SEC16B: variants seen among roughly 807,000 people sequenced by gnomAD.
The protein encoded by SEC16B is protein transport protein Sec16B.
A neutral mutation model predicts 141.8 loss-of-function variants in SEC16B; 115 were observed. The ratio of observed to expected loss-of-function variants is 0.81; its 90% CI spans 0.70 to 0.95. The LOEUF is 0.95. SEC16B is among the 40% of genes least tolerant of loss of function. The pLI, the probability that SEC16B is intolerant of heterozygous loss-of-function variation, is 0.00. For missense variants in SEC16B, 1,291 were observed against 1,312.3 expected, an observed-to-expected ratio of 0.98 and a Z score of 0.25; for synonymous variants, 493 against 492.5, an observed-to-expected ratio of 1.00 and a Z score of -0.01.
chr1:177,932,537 C>T lies in SEC16B; in HGVS notation c.2965G>A (p.Gly989Arg), dbSNP rs781588591. 14 of 1,561,100 alleles carry T rather than the reference C, an allele frequency of 9.0e-6. No individual in the cohort carries two copies. The Admixed American group carries it at 1.7e-4, about 19-fold the overall frequency. Residue 989 changes from glycine to arginine, a missense_variant, in exon 24 of 26, where the codon GGG becomes AGG. Coordinates refer to ENST00000308284, the MANE Select transcript of SEC16B (RefSeq NM_033127.4). ...GGEGRGSASS[G>R]GAAAGAGVGG... is the part of the protein sequence containing the mutation. ...ACCCCAGCGCCCGCAGCTGCTCCCC[C>T]GCTGGATGCGGATCCTCGGCCTTCA...
intron 1 of SEC16B, among the ~76,000 whole-genome samples, chr1:177,982,134 T>A (rs1654442813): frequency 6.6e-6 from 1 of 152,028 alleles, no homozygotes; most frequent in African/African-American, 2.4e-5. Context: ...GACATCAAAT[T>A]ACATAAGAAC....
At chr1:177,948,149 G>GCATA (rs539355896) in intron 12 of SEC16B, among the ~76,000 whole-genome samples, 2 of 152,052 alleles carry the variant, frequency 1.3e-5, no homozygotes, top group South Asian at 2.1e-4. Flanking sequence ...ACGTGTACAT[G>GCATA]CATACATACA....
intron 15 of SEC16B, among the ~76,000 whole-genome samples, chr1:177,943,058 AC>A (rs1440418064): frequency 6.6e-6 from 1 of 152,202 alleles, no homozygotes. Context: ...AATCATGCCT[AC>A]CTCACAGGAT....
chr1:177,952,072 T>C (rs1216630436), intron 11 of SEC16B, 77 bp from the exon 12 acceptor site: 2 of 1,235,790 alleles, frequency 1.6e-6, no homozygotes, highest in Non-Finnish European at 2.3e-6. Flanking sequence ...CTCAGGGCCT[T>C]GCATAATTCT....
In SEC16B at chr1:177,960,874, C is replaced by T. The variant is rs185756583; in HGVS notation, c.853G>A (p.Gly285Arg). ...ACATGCACCAGCTGACCTCCTGGCCCGAAACTCACAGGAACATGAGGGATG... is the reference window on the plus strand; with the variant it reads ...ACATGCACCAGCTGACCTCCTGGCCTGAAACTCACAGGAACATGAGGGATG... ...FYIPHVPVSF[G>R]PGGQLVHVGP... The change falls in exon 7 of 26, where the codon GGG (glycine) becomes AGG (arginine). Residue 285 changes from glycine to arginine, a missense_variant. Coordinates refer to ENST00000308284, the MANE Select transcript of SEC16B (RefSeq NM_033127.4). The T allele has an allele frequency of 4.4e-4, 711 of 1,602,160 alleles. No individual in the cohort carries two copies. The highest frequency in any genetic ancestry group is 3.9e-4 in the Admixed American group (23 of 58,998).
Position 177,964,166 on chromosome 1 carries a change from G to T in SEC16B, c.642+5C>A, listed in dbSNP as rs1359265780. 1 of 1,607,996 alleles carries T rather than the reference G, an allele frequency of 6.2e-7. No individual in the cohort carries two copies. Among genetic ancestry groups the T allele is most frequent in the East Asian group, 2.2e-5 (1 of 44,706 alleles). ...GTCTCCAGCCCCCACGTCACTTTAG[G>T]TTACCTTATTTTTCTGGGCCTCAGC... On this transcript the variant is annotated splice_donor_5th_base_variant and intron_variant, in intron 5 of 25. Transcript: ENST00000308284.
At chr1:177,961,490 G>T in intron 6 of SEC16B, 100 bp downstream of exon 6, 3 of 1,315,428 alleles carry the variant, frequency 2.3e-6, no homozygotes, top group Non-Finnish European at 3.1e-6. Flanking sequence ...AGCAAATGAG[G>T]TGGACAATGA....
chr1:177,980,785 A>AAGAT (rs1654376618), intron 1 of SEC16B, among the ~76,000 whole-genome samples: 1 of 151,832 alleles, frequency 6.6e-6, no homozygotes, highest in South Asian at 2.1e-4. Flanking sequence ...GAAAGAAAGA[A>AAGAT]AAGAAAGAAA....
At chr1:177,929,954 ACT>A in intron 25 of SEC16B, 25 bp from the exon 26 acceptor site, 2 of 1,610,912 alleles carry the variant, frequency 1.2e-6, no homozygotes, top group African/African-American at 1.3e-5. Flanking sequence ...CAAATATTAC[ACT>A]GAGTACAGCC....
chr1:177,960,207 C>G, intron 8 of SEC16B, 135 bp downstream of exon 8: 1 of 667,812 alleles, frequency 1.5e-6, no homozygotes, highest in East Asian at 2.7e-5. Flanking sequence ...TCTTGCAGCA[C>G]AGAGAATTCC....
chr1:177,959,180 G>A (rs1175081258), intron 8 of SEC16B: 1 of 619,086 alleles, frequency 1.6e-6, no homozygotes, highest in Non-Finnish European at 2.9e-6. Flanking sequence ...ATTCTCTCAT[G>A]CACCCCCTTT....
intron 18 of SEC16B, among the ~76,000 whole-genome samples, chr1:177,938,593 C>T (rs1038936119): frequency 6.6e-5 from 10 of 152,218 alleles, no homozygotes; most frequent in African/African-American, 2.4e-4. Context: ...AATAAAGTCT[C>T]CTTTCCAAAT....
rs12083396 is a variant in SEC16B, at chr1:177,939,234, C to T, written c.2203+468G>A. Among the ~76,000 whole-genome samples the T allele has an allele frequency of 7.9e-3, 1,208 of 152,306 alleles. 30 individuals are homozygous for T. Among genetic ancestry groups the T allele is most frequent in the African/African-American group, 0.027 (1,139 of 41,570 alleles). On this transcript the variant is annotated intron_variant, in intron 18 of 25. Coordinates refer to ENST00000308284, the MANE Select transcript of SEC16B (RefSeq NM_033127.4). ...CTGCCAACACACCATTGGGAATCAT[C>T]CCAAGGGAAGAGTGGAGATGCCATG...
At chr1:177,931,539 T>G (rs568282588) in intron 24 of SEC16B, among the ~76,000 whole-genome samples, 1 of 152,244 alleles carries the variant, frequency 6.6e-6, no homozygotes, top group South Asian at 2.1e-4. Flanking sequence ...ACTATATAAT[T>G]CATCTATTAA....
At chr1:177,966,452 T>A (rs1176309302) in intron 2 of SEC16B, among the ~76,000 whole-genome samples, 2 of 152,226 alleles carry the variant, frequency 1.3e-5, no homozygotes, top group African/African-American at 4.8e-5. Context: ...CAAACTGGAC[T>A]ATGTTAAGTC....
At chr1:177,977,818 T>G (rs1375862086) in intron 1 of SEC16B, among the ~76,000 whole-genome samples, 1 of 152,188 alleles carries the variant, frequency 6.6e-6, no homozygotes, top group Admixed American at 6.5e-5. Flanking sequence ...ACTACACCAT[T>G]TGCTAGCCAT....
intron 16 of SEC16B, 113 bp from the exon 17 acceptor site, chr1:177,940,827 G>A: frequency 1.6e-6 from 1 of 625,742 alleles, no homozygotes; most frequent in Non-Finnish European, 2.7e-6. Flanking sequence ...AGGAGAAAGA[G>A]AGCCTTAACT....
At chr1:177,971,521 C>T (rs1042373413), upstream of SEC16B, 1 of 152,192 alleles carries the variant, frequency 6.6e-6, no homozygotes, top group African/African-American at 2.4e-5. Flanking sequence ...GTGATGATTA[C>T]ACTGACGTGA....
rs768695137 is a variant in SEC16B at position 177,937,524 on chromosome 1, G to A, written c.2204-11C>T. On this transcript the variant is annotated splice_polypyrimidine_tract_variant and intron_variant, in intron 18 of 25. Coordinates refer to ENST00000308284, the MANE Select transcript of SEC16B (RefSeq NM_033127.4). ...GGTAGAAAGTGTTTTCTAAGGACGT[G>A]GAACAAAGGTAAAGAAGTCAGACCT... The A allele has an allele frequency of 6.6e-7, 1 of 1,505,344 alleles. No individual in the cohort carries two copies. Among genetic ancestry groups the A allele is most frequent in the Admixed American group, 2.3e-5 (1 of 42,952 alleles). 93.2% of individuals were successfully genotyped at this position (1,505,344 alleles called of 1,614,324 possible).
Sources: allele counts gnomAD v4.1 joint callset (sites outside exome capture counted in the v4.1 genomes callset), GRCh38; gene constraint gnomAD v4.1.1; transcripts MANE v1.5; gene names NCBI Gene and HGNC (gene_info 2026-07-23, HGNC 2026-07-21).